GRIN2A: variants seen among roughly 807,000 people sequenced by gnomAD.
GRIN2A encodes the protein glutamate ionotropic receptor NMDA type subunit 2A.
GRIN2A carries 22 observed loss-of-function variants against 113.4 expected under a neutral mutation model. The ratio of observed to expected loss-of-function variants is 0.19; its 90% CI spans 0.14 to 0.28. The LOEUF is 0.28. GRIN2A is among the 10% of genes least tolerant of loss of function. The probability of loss-of-function intolerance (pLI) is 1.00; values close to 1 mark genes in which losing one functional copy is unlikely to be tolerated. For synonymous variants in GRIN2A, 827 were observed against 738.4 expected, an observed-to-expected ratio of 1.12 and a Z score of -1.94; for missense variants, 1,502 against 1,887.0, an observed-to-expected ratio of 0.80 and a Z score of 3.78.
chr16:9,891,285 G>A (rs1265525378), intron 3 of GRIN2A, among the ~76,000 whole-genome samples, 185 bp from the exon 4 acceptor site: 1 of 152,174 alleles, frequency 6.6e-6, no homozygotes, highest in African/African-American at 2.4e-5. Flanking sequence ...CCATGCTTTA[G>A]TAATTGACTG....
At chr16:9,994,403 G>A (rs931747383) in intron 2 of GRIN2A, among the ~76,000 whole-genome samples, 6 of 152,058 alleles carry the variant, frequency 3.9e-5, no homozygotes, top group East Asian at 1.9e-4. Context: ...AGCCCTCCTC[G>A]TCCCCAGGTG....
At chr16:10,158,428 A>G (rs539815141) in intron 2 of GRIN2A, among the ~76,000 whole-genome samples, 36 of 152,366 alleles carry the variant, frequency 2.4e-4, no homozygotes, top group African/African-American at 8.7e-4. Flanking sequence ...GTATAAATCC[A>G]AAAGAATTGA....
At chr16:10,095,120 A>G (rs2081887753) in intron 2 of GRIN2A, among the ~76,000 whole-genome samples, 1 of 152,180 alleles carries the variant, frequency 6.6e-6, no homozygotes, top group South Asian at 2.1e-4. Flanking sequence ...GCATGCACTG[A>G]GAAAAGGCCA....
At chr16:9,992,450 C>T (rs1596397236) in intron 2 of GRIN2A, among the ~76,000 whole-genome samples, 1 of 152,198 alleles carries the variant, frequency 6.6e-6, no homozygotes, top group Middle Eastern at 3.4e-3. Context: ...TTGTTTCTGC[C>T]CTATTTCTTT....
chr16:9,930,261 A>C (rs2044558316), intron 3 of GRIN2A, among the ~76,000 whole-genome samples: 1 of 152,200 alleles, frequency 6.6e-6, no homozygotes, highest in South Asian at 2.1e-4. Context: ...TTGACTAAGC[A>C]CAATACCTGC....
chr16:10,039,821 G>C (rs2047116865), intron 2 of GRIN2A, among the ~76,000 whole-genome samples: 1 of 140,566 alleles, frequency 7.1e-6, no homozygotes, highest in Non-Finnish European at 1.6e-5. Flanking sequence ...GAAAGAGAGA[G>C]AGAGAGAGAG....
chr16:10,170,775 G>A (rs1380896750), intron 2 of GRIN2A, among the ~76,000 whole-genome samples: 1 of 151,966 alleles, frequency 6.6e-6, no homozygotes, highest in African/African-American at 2.4e-5. Flanking sequence ...TACTTGGGAG[G>A]CTGAGATGAG....
intron 2 of GRIN2A, among the ~76,000 whole-genome samples, chr16:10,073,772 G>A (rs904522978): frequency 6.6e-6 from 1 of 151,312 alleles, no homozygotes; most frequent in Non-Finnish European, 1.5e-5. Context: ...AAAATTAGCC[G>A]GGCAACAGTA....
intron 8 of GRIN2A, among the ~76,000 whole-genome samples, chr16:9,832,491 T>G (rs7199910): frequency 0.4 from 60,096 of 151,942 alleles, 13,217 homozygotes; most frequent in African/African-American, 0.59. Context: ...TATAATCTGT[T>G]ATTATTAGTT....
At chr16:9,988,943 T>G (rs1406373002) in intron 2 of GRIN2A, among the ~76,000 whole-genome samples, 2 of 152,196 alleles carry the variant, frequency 1.3e-5, no homozygotes, top group Non-Finnish European at 2.9e-5. Flanking sequence ...ATTGAAGACT[T>G]GATATCTTGG....
chr16:9,946,427 T>C (rs894170113), intron 2 of GRIN2A, among the ~76,000 whole-genome samples: 1 of 152,210 alleles, frequency 6.6e-6, no homozygotes, highest in Admixed American at 6.5e-5. Flanking sequence ...AGCTTTATTT[T>C]GCAAGTCCCA....
At chr16:10,179,644 T>G (rs1300036541) in intron 2 of GRIN2A, 2 of 356,026 alleles carry the variant, frequency 5.6e-6, no homozygotes. Flanking sequence ...ATGTCTCCAG[T>G]GCTCCTGGGC....
At chr16:10,104,872 G>A (rs868465704) in intron 2 of GRIN2A, among the ~76,000 whole-genome samples, 32 of 152,230 alleles carry the variant, frequency 2.1e-4, no homozygotes, top group African/African-American at 5.8e-4. Context: ...GAGTGTAGGA[G>A]GAAGATTGAC....
At chr16:10,121,194 G>C (rs571872234) in intron 2 of GRIN2A, 1 of 152,720 alleles carries the variant, frequency 6.5e-6, no homozygotes, top group East Asian at 1.9e-4. Flanking sequence ...CTGACTCCGA[G>C]TGACATCAAC....
chr16:9,883,292 T>C (rs2043520848), intron 4 of GRIN2A, among the ~76,000 whole-genome samples: 1 of 152,210 alleles, frequency 6.6e-6, no homozygotes, highest in African/African-American at 2.4e-5. Context: ...GAGGGGTCCA[T>C]TTGTGCACTA....
rs958022150 is a variant in GRIN2A, at chr16:9,896,779, AT to A, written c.1008-5680del. 4.6e-5 allele frequency among the ~76,000 whole-genome samples: 7 copies of A among 152,130 alleles called. 1 individual carries two copies. The highest frequency in any genetic ancestry group is 1.3e-4 in the Admixed American group (2 of 15,258). ...CTATTACCTTCAATTCCCCCACCCAATTTCTAGGAAGGACAATCCATATTTC... is the reference window on the plus strand; with the variant it reads ...CTATTACCTTCAATTCCCCCACCCAATTCTAGGAAGGACAATCCATATTTC... On this transcript the variant is annotated intron_variant, in intron 3 of 12. Transcript: ENST00000330684.
intron 2 of GRIN2A, among the ~76,000 whole-genome samples, chr16:10,173,756 C>T (rs1445178044): frequency 2.6e-5 from 4 of 152,122 alleles, no homozygotes; most frequent in Non-Finnish European, 5.9e-5. Flanking sequence ...GAACTGAACA[C>T]TCTGCAGCCA....
intron 2 of GRIN2A, among the ~76,000 whole-genome samples, chr16:10,129,753 G>A (rs775409955): frequency 2.0e-5 from 3 of 152,206 alleles, no homozygotes; most frequent in Non-Finnish European, 4.4e-5. Flanking sequence ...GAAAGCTGGA[G>A]GAAGATTTTA....
At position 9,769,093 on chromosome 16, in the gene GRIN2A, G is replaced by C. The variant is rs772746957; in HGVS notation, c.2357-4C>G. ...GTCTCCAGCTCCTCCATCTCACCTG[G>C]ACAGATCACAACATTCACAGGCAGT... On this transcript the variant is annotated splice_polypyrimidine_tract_variant and splice_region_variant and intron_variant, in intron 11 of 12. Coordinates refer to ENST00000330684, the MANE Select transcript of GRIN2A (RefSeq NM_001134407.3). The C allele has an allele frequency of 6.2e-7, 1 of 1,607,612 alleles. No homozygotes were observed. The highest frequency in any genetic ancestry group is 8.5e-7 in the Non-Finnish European group (1 of 1,174,142).
Sources: gnomAD v4.1 joint callset for allele counts (sites outside exome capture counted in the v4.1 genomes callset) on GRCh38, gnomAD v4.1.1 for gene constraint, MANE v1.5 for transcripts, NCBI Gene and HGNC (gene_info 2026-07-23, HGNC 2026-07-21) for gene names.